Variants in ANKH observed in about 807,000 individuals in gnomAD.
ANKH encodes the protein mineralization regulator ANKH.
Under a neutral mutation model 49.0 loss-of-function variants are expected in ANKH, and 15 were observed. The observed-to-expected ratio is 0.31, with a 90% CI of 0.20 to 0.47. The LOEUF (loss-of-function observed/expected upper bound fraction) is 0.47, where lower values mean the gene tolerates loss of function less well. Ranked by LOEUF, ANKH falls within the 20% of genes least tolerant of loss-of-function variation. The pLI, the probability that ANKH is intolerant of heterozygous loss-of-function variation, is 1.00. For synonymous variants in ANKH, 273 were observed against 260.0 expected (o/e 1.05, Z -0.48); for missense variants, 429 against 652.0 (o/e 0.66, Z 3.72).
intron 1 of ANKH, among the ~76,000 whole-genome samples, chr5:14,820,610 T>A (rs1019387474): frequency 3.3e-5 from 5 of 152,090 alleles, no homozygotes; most frequent in Non-Finnish European, 5.9e-5. Context: ...GGTGGGGAAA[T>A]GAGGAACTTG....
chr5:14,740,185 G>C (rs999642183), intron 8 of ANKH, among the ~76,000 whole-genome samples: 1 of 152,132 alleles, frequency 6.6e-6, no homozygotes, highest in South Asian at 2.1e-4. Context: ...GGCGTTGTCA[G>C]CTTTATATGC....
At chr5:14,751,788 T>C (rs570215130) in intron 4 of ANKH, among the ~76,000 whole-genome samples, 1 of 152,318 alleles carries the variant, frequency 6.6e-6, no homozygotes, top group East Asian at 1.9e-4. Flanking sequence ...TTACCATTGG[T>C]GCTTGGTGAT....
intron 2 of ANKH, among the ~76,000 whole-genome samples, chr5:14,764,496 C>T (rs1181028333): frequency 3.3e-5 from 5 of 152,178 alleles, no homozygotes; most frequent in African/African-American, 2.4e-5. Flanking sequence ...AGCAGAGCGA[C>T]CTCCTGGCCC....
chr5:14,790,915 C>A lies in ANKH; in HGVS notation c.97-21724G>T, dbSNP rs578029832. On this transcript the variant is annotated intron_variant, in intron 1 of 11. Transcript: ENST00000284268. ...ATAAGCCACTATGCCCAGCCAAGAT[C>A]CAACTCTTTTCACGCACCCTCCTGT... Among the ~76,000 whole-genome samples, 5 of 152,220 alleles carry A rather than the reference C, an allele frequency of 3.3e-5. No individual in the cohort carries two copies. In the South Asian group the frequency reaches 1.0e-3, roughly 32 times the overall value.
chr5:14,766,270 TCTGTAGTCC>T (rs1561045518), intron 2 of ANKH, among the ~76,000 whole-genome samples: 1 of 151,802 alleles, frequency 6.6e-6, no homozygotes, highest in African/African-American at 2.4e-5. Flanking sequence ...GTGGCATGCA[TCTGTAGTCC>T]CAGCTACTCA....
intron 8 of ANKH, among the ~76,000 whole-genome samples, chr5:14,721,756 C>A (rs1737670690): frequency 6.6e-6 from 1 of 151,690 alleles, no homozygotes; most frequent in Non-Finnish European, 1.5e-5. Flanking sequence ...CGGTGAAACC[C>A]CATCTCTACT....
At chr5:14,830,068 T>C (rs1217064789) in intron 1 of ANKH, among the ~76,000 whole-genome samples, 1 of 152,218 alleles carries the variant, frequency 6.6e-6, no homozygotes, top group African/African-American at 2.4e-5. Flanking sequence ...GAAAGTCCAG[T>C]GTTTTACCTT....
In ANKH at chr5:14,734,117, T is replaced by G. The variant is rs370929950; in HGVS notation, c.1011+7710A>C. Among the ~76,000 whole-genome samples, 274 of 152,320 alleles carry G rather than the reference T, an allele frequency of 1.8e-3. 3 individuals carry two copies. Among genetic ancestry groups the G allele is most frequent in the African/African-American group, 6.2e-3 (256 of 41,576 alleles). On this transcript the variant is annotated intron_variant, in intron 8 of 11. Transcript: ENST00000284268. The stretch of plus-strand genomic sequence containing the variant: ...TAAATTTCTCTTCAAAGAATCAGTA[T>G]GTCAATATGTTCAATTCTTTGCCTT...
chr5:14,733,171 GAGC>G (rs1318060813), intron 8 of ANKH, among the ~76,000 whole-genome samples: 1 of 152,224 alleles, frequency 6.6e-6, no homozygotes, highest in African/African-American at 2.4e-5. Flanking sequence ...GATTCATAGT[GAGC>G]AGGTTTCGAG....
intron 3 of ANKH, among the ~76,000 whole-genome samples, chr5:14,757,845 T>C (rs1738951962): frequency 1.3e-5 from 2 of 152,194 alleles, no homozygotes; most frequent in African/African-American, 2.4e-5. Flanking sequence ...GATGGTGGTA[T>C]AGCTGCTACG....
Position 14,709,932 on chromosome 5 carries a change from G to GTTCT in ANKH, c.*1261_*1264dup, listed in dbSNP as rs1442940058. 5 of 152,114 alleles carry GTTCT rather than the reference G, an allele frequency of 3.3e-5. No individual in the cohort carries two copies. Among genetic ancestry groups the GTTCT allele is most frequent in the African/African-American group, 1.2e-4 (5 of 41,394 alleles). 9.4% of individuals were successfully genotyped at this position (152,114 alleles called of 1,614,324 possible). ...ATCTTTAAAATATTTTTTTTTTTAG[G>GTTCT]TTCTTTCAGTCTAGGAATTCTGACT... is the stretch of plus-strand genomic sequence containing the variant. On this transcript the variant is annotated 3_prime_UTR_variant, in exon 12 of 12. Coordinates refer to ENST00000284268, the MANE Select transcript of ANKH (RefSeq NM_054027.6).
intron 1 of ANKH, among the ~76,000 whole-genome samples, chr5:14,867,507 T>C (rs1468513935): frequency 1.3e-5 from 2 of 152,242 alleles, no homozygotes; most frequent in African/African-American, 4.8e-5. Flanking sequence ...TATAGGGCTC[T>C]ATAATATAAA....
intron 1 of ANKH, among the ~76,000 whole-genome samples, chr5:14,804,142 C>T (rs1419347179): frequency 6.6e-6 from 1 of 152,034 alleles, no homozygotes; most frequent in Admixed American, 6.6e-5. Context: ...GTGATCCACC[C>T]GCTTCAGCCT....
intron 8 of ANKH, among the ~76,000 whole-genome samples, chr5:14,728,444 T>TA (rs1312660358): frequency 2.6e-5 from 4 of 152,214 alleles, no homozygotes; most frequent in Non-Finnish European, 4.4e-5. Flanking sequence ...AATTCACCTT[T>TA]GGTTCTTTTC....
intron 1 of ANKH, among the ~76,000 whole-genome samples, chr5:14,776,685 A>G (rs1739633877): frequency 6.6e-6 from 1 of 152,262 alleles, no homozygotes; most frequent in Admixed American, 6.5e-5. Context: ...AGCTATGGTC[A>G]TGAAATTCAG....
At chr5:14,850,546 G>T (rs1379889851) in intron 1 of ANKH, among the ~76,000 whole-genome samples, 1 of 152,250 alleles carries the variant, frequency 6.6e-6, no homozygotes, top group African/African-American at 2.4e-5. Flanking sequence ...CAGTAGGCTG[G>T]AATCACACCT....
Position 14,755,962 on chromosome 5 carries a change from A to C in ANKH, c.433-18T>G. The C allele has an allele frequency of 6.2e-7, 1 of 1,608,244 alleles. No individual in the cohort carries two copies. The highest frequency in any genetic ancestry group is 1.1e-5 in the South Asian group (1 of 90,922). On this transcript the variant is annotated intron_variant, in intron 3 of 11. Coordinates refer to ENST00000284268, the MANE Select transcript of ANKH (RefSeq NM_054027.6). Reference sequence around the variant, plus strand: ...GTCCATGCCTGCCAGAAAGAAAAGAATTTGGCATGAGATACACCTTCAGGA... The same window carrying C: ...GTCCATGCCTGCCAGAAAGAAAAGACTTTGGCATGAGATACACCTTCAGGA...
intron 1 of ANKH, among the ~76,000 whole-genome samples, chr5:14,824,615 G>A (rs1741288010): frequency 6.6e-6 from 1 of 152,140 alleles, no homozygotes; most frequent in Non-Finnish European, 1.5e-5. Context: ...GAACAGTTCT[G>A]CAGTTTGTGA....
intron 1 of ANKH, among the ~76,000 whole-genome samples, chr5:14,821,554 T>C (rs1021115794): frequency 3.3e-5 from 5 of 152,236 alleles, no homozygotes; most frequent in Admixed American, 1.3e-4. Flanking sequence ...TGTAAGGGCT[T>C]TGAAGCATTT....
Sources: allele counts gnomAD v4.1 joint callset (sites outside exome capture counted in the v4.1 genomes callset), GRCh38; gene constraint gnomAD v4.1.1; transcripts MANE v1.5; gene names NCBI Gene and HGNC (gene_info 2026-07-23, HGNC 2026-07-21).